Variants in NFATC2 observed in about 807,000 individuals in gnomAD.
NFATC2 encodes nuclear factor of activated T cells 2.
A neutral mutation model predicts 87.3 loss-of-function variants in NFATC2; 22 were observed. The observed-to-expected ratio is 0.25, with a 90% confidence interval of 0.18 to 0.36. NFATC2 has a LOEUF of 0.36. NFATC2 is among the 10% of genes least tolerant of loss of function. NFATC2 has a pLI of 1.00. For synonymous variants in NFATC2, 565 were observed against 542.2 expected, an observed-to-expected ratio of 1.04 and a Z score of -0.58; for missense variants, 1,149 against 1,259.1, an observed-to-expected ratio of 0.91 and a Z score of 1.32.
At chr20:51,530,482 C>T (rs1778959680) in intron 1 of NFATC2, among the ~76,000 whole-genome samples, 1 of 152,154 alleles carries the variant, frequency 6.6e-6, no homozygotes, top group African/African-American at 2.4e-5. Context: ...AACTCCACTC[C>T]TTCTGACTAG....
intron 6 of NFATC2, among the ~76,000 whole-genome samples, chr20:51,437,694 TTA>T (rs2146360532): frequency 6.6e-6 from 1 of 152,332 alleles, no homozygotes; most frequent in South Asian, 2.1e-4. Context: ...AGTCCTGACC[TTA>T]CAGCGCAATT....
upstream of NFATC2, chr20:51,562,701 C>T: frequency 7.0e-7 from 1 of 1,432,166 alleles, no homozygotes; most frequent in Non-Finnish European, 9.6e-7. This position sits in a 1 kb window ranked among gnomAD's most constrained non-coding sequence, Gnocchi z 5.8. Context: ...GCCGAGGGGA[C>T]GCCGTCTTCT....
rs184102884 is a variant in NFATC2, at chr20:51,505,560, G to A, written c.1332+11224C>T. On this transcript the variant is annotated intron_variant, in intron 3 of 10. Transcript: ENST00000371564. ...TACGAATGAAATTTTTCGAACCTGT[G>A]CCAGTATTCAGAATAGGCCCCCGCT... Among the ~76,000 whole-genome samples, 11 of 152,050 alleles carry A rather than the reference G, an allele frequency of 7.2e-5. No homozygotes were observed. The East Asian group carries it at 2.1e-3, about 29-fold the overall frequency.
intron 3 of NFATC2, among the ~76,000 whole-genome samples, chr20:51,481,825 C>A (rs933413128): frequency 7.2e-5 from 11 of 152,182 alleles, no homozygotes; most frequent in African/African-American, 2.2e-4. Context: ...ATATAAATGA[C>A]GCCATCCAAC....
At position 51,462,542 on chromosome 20, in the gene NFATC2, C is replaced by T. The variant is rs1987268900; in HGVS notation, c.1709-7854G>A. ...ACATTTTTAAAAATATTATAAAACG[C>T]CCACACCAAGAAGCAATTTAGGGTT... is the stretch of plus-strand genomic sequence containing the variant. On this transcript the variant is annotated intron_variant, in intron 5 of 10. Transcript: ENST00000371564. Among the ~76,000 whole-genome samples the T allele has an allele frequency of 2.0e-5, 3 of 152,092 alleles. No homozygotes were observed. The South Asian group carries it at 6.2e-4, about 32-fold the overall frequency.
intron 1 of NFATC2, among the ~76,000 whole-genome samples, chr20:51,528,702 TTTTTAA>T (rs1460785674): frequency 6.6e-6 from 1 of 152,184 alleles, no homozygotes; most frequent in African/African-American, 2.4e-5. Flanking sequence ...AAAAGAAACA[TTTTTAA>T]TTTTATTTCA....
In NFATC2 at chr20:51,523,388, G is replaced by T. The variant is rs778412410; in HGVS notation, c.853C>A (p.Pro285Thr). 2 of 1,610,636 alleles carry T rather than the reference G, an allele frequency of 1.2e-6. No individual in the cohort carries two copies. The highest frequency in any genetic ancestry group is 8.5e-7 in the Non-Finnish European group (1 of 1,178,276). Reference sequence around the variant, plus strand: ...CCAGCCGGGGAGCCGTGGTCCTGGGGTGCCACGTGAGATGAGGGCTGCGGC... The same window carrying T: ...CCAGCCGGGGAGCCGTGGTCCTGGGTTGCCACGTGAGATGAGGGCTGCGGC... ...PSPQPSSHVAPQDHGSPAGYP... is the reference protein window; with the variant it reads ...PSPQPSSHVATQDHGSPAGYP... Residue 285 changes from proline to threonine, a missense_variant, in exon 2 of 11, where the codon CCC becomes ACC. Physicochemically the swap from Pro to Thr is conservative, Grantham distance 38. Coordinates refer to ENST00000371564, the MANE Select transcript of NFATC2 (RefSeq NM_012340.5). This position sits in a 1 kb window ranked among gnomAD's most constrained non-coding sequence, Gnocchi z 6.9.
chr20:51,561,884 T>C (rs1042756688), intron 1 of NFATC2, among the ~76,000 whole-genome samples: 1 of 151,946 alleles, frequency 6.6e-6, no homozygotes, highest in African/African-American at 2.4e-5. Flanking sequence ...TCCCATAAGA[T>C]CCAAGTGGTG....
intron 1 of NFATC2, among the ~76,000 whole-genome samples, chr20:51,532,778 G>A (rs947140984): frequency 6.6e-6 from 1 of 152,256 alleles, no homozygotes; most frequent in African/African-American, 2.4e-5. Flanking sequence ...TCGGGAAGCA[G>A]AATCGTATGA....
At chr20:51,455,896 G>GTGGGTGGA (rs1986426879) in intron 5 of NFATC2, among the ~76,000 whole-genome samples, 1 of 5,306 alleles carries the variant, frequency 1.9e-4, no homozygotes, top group Non-Finnish European at 4.9e-4. Context: ...GAGTGGATGG[G>GTGGGTGGA]TGGGTGGGTG....
At chr20:51,485,132 A>G (rs1209350798) in intron 3 of NFATC2, among the ~76,000 whole-genome samples, 1 of 152,208 alleles carries the variant, frequency 6.6e-6, no homozygotes, top group African/African-American at 2.4e-5. Context: ...TTTGTTTCCA[A>G]TTACCATGTC....
chr20:51,447,486 G>T (rs1985215736), intron 6 of NFATC2, among the ~76,000 whole-genome samples: 1 of 152,244 alleles, frequency 6.6e-6, no homozygotes, highest in African/African-American at 2.4e-5. Context: ...CCAAAACTCT[G>T]TGTCATGTGA....
At chr20:51,407,139 C>T (rs1978450400) in intron 9 of NFATC2, among the ~76,000 whole-genome samples, 1 of 152,200 alleles carries the variant, frequency 6.6e-6, no homozygotes, top group Admixed American at 6.5e-5. Flanking sequence ...GCTGTTCTCT[C>T]TACTTGGACT....
intron 9 of NFATC2, among the ~76,000 whole-genome samples, chr20:51,421,115 C>G (rs1213427052): frequency 6.6e-6 from 1 of 151,626 alleles, no homozygotes; most frequent in Non-Finnish European, 1.5e-5. Flanking sequence ...CAACAAACCC[C>G]CAAAACAAAA....
chr20:51,504,726 T>C (rs1326039941), intron 3 of NFATC2, among the ~76,000 whole-genome samples: 1 of 152,212 alleles, frequency 6.6e-6, no homozygotes, highest in Non-Finnish European at 1.5e-5. Flanking sequence ...CTTAGACAAG[T>C]TGCACAGCCT....
intron 1 of NFATC2, among the ~76,000 whole-genome samples, chr20:51,535,485 C>G (rs1004886755): frequency 6.6e-6 from 1 of 152,254 alleles, no homozygotes; most frequent in Non-Finnish European, 1.5e-5. Flanking sequence ...TTAATGCCTT[C>G]TTGACTGACA....
chr20:51,503,830 T>C (rs560006271), intron 3 of NFATC2, among the ~76,000 whole-genome samples: 137 of 152,158 alleles, frequency 9.0e-4, no homozygotes, highest in Non-Finnish European at 1.6e-3. Context: ...CACTTGATGC[T>C]TGACCAGCCT....
rs770338559 is a variant in NFATC2, at chr20:51,432,120, G to A, written c.2669C>T (p.Ala890Val). Residue 890 changes from alanine to valine, a missense_variant, in exon 9 of 11, where the codon GCG (alanine) becomes GTG (valine). Ala to Val is a moderately conservative substitution (Grantham distance 64). Around this residue, in one of 3 missense-constraint regions of NFATC2, gnomAD observed 581 missense variants for 649.7 expected, o/e 0.89. Transcript: ENST00000371564. This position sits in a 1 kb window ranked among gnomAD's most constrained non-coding sequence, Gnocchi z 4.6. Reference protein sequence around the residue: ...PVSDQKEVLPAGVTIKQEQNL... With the variant: ...PVSDQKEVLPVGVTIKQEQNL... ...CTGCTCCTGTTTAATGGTCACCCCC[G>A]CAGGTAATACTTCCTTTTGGTCACT... The A allele has an allele frequency of 7.7e-6, 12 of 1,568,380 alleles. No individual in the cohort carries two copies. Among genetic ancestry groups the A allele is most frequent in the Middle Eastern group, 1.7e-4 (1 of 5,830 alleles).
intron 3 of NFATC2, among the ~76,000 whole-genome samples, chr20:51,494,897 T>C (rs1600867873): frequency 1.3e-5 from 2 of 152,268 alleles, no homozygotes; most frequent in African/African-American, 4.8e-5. Flanking sequence ...CATACTGTCC[T>C]GAACGTGACT....
Sources: allele counts gnomAD v4.1 joint callset (sites outside exome capture counted in the v4.1 genomes callset), GRCh38; gene constraint gnomAD v4.1.1; regional missense constraint gnomAD v4.1.1; non-coding constraint Gnocchi (gnomAD v3.1); transcripts MANE v1.5; gene names NCBI Gene and HGNC (gene_info 2026-07-23, HGNC 2026-07-21).